The following CHSY3 variants were observed in gnomAD, a reference collection of about 807,000 sequenced individuals.
CHSY3 encodes the protein N-acetylgalactosaminyl-proteoglycan 3-beta-glucuronosyltransferase 3.
Under a neutral mutation model 67.2 loss-of-function variants are expected in CHSY3, and 35 were observed. That is an observed-to-expected ratio of 0.52 (90% CI 0.40 to 0.69). The LOEUF (loss-of-function observed/expected upper bound fraction) is 0.69, where lower values mean the gene tolerates loss of function less well. CHSY3 is among the 30% of genes least tolerant of loss of function. The pLI is 0.00. For missense variants in CHSY3, 1,069 were observed against 1,138.5 expected (o/e 0.94, Z 0.88); for synonymous variants, 474 against 434.7 (o/e 1.09, Z -1.12).
rs927729961 is a variant in CHSY3 at position 130,020,594 on chromosome 5, G to T, written c.1086+112234G>T. ...TGCCCCTTCAAAGCAGTCTTTCTCC[G>T]TTCAGGACCATGTGTATCTGAATCA... On this transcript the variant is annotated intron_variant, in intron 2 of 2. Transcript: ENST00000305031. Among the ~76,000 whole-genome samples the T allele has an allele frequency of 4.9e-5, 7 of 143,074 alleles. No individual in the cohort carries two copies. In the East Asian group the frequency reaches 1.5e-3, roughly 30 times the overall value. 93.9% of individuals were successfully genotyped at this position (143,074 alleles called of 152,430 possible).
At chr5:129,967,633 T>G (rs1762508138) in intron 2 of CHSY3, among the ~76,000 whole-genome samples, 2 of 151,874 alleles carry the variant, frequency 1.3e-5, no homozygotes, top group South Asian at 4.1e-4. Flanking sequence ...AGTACAGACC[T>G]TTAAGCCTTT....
chr5:129,932,477 G>C (rs890468420), intron 2 of CHSY3, among the ~76,000 whole-genome samples: 2 of 151,980 alleles, frequency 1.3e-5, no homozygotes, highest in African/African-American at 4.8e-5. Context: ...ATCTAGACTT[G>C]TGTTTGGCCC....
At chr5:129,963,444 C>G (rs1421018088) in intron 2 of CHSY3, among the ~76,000 whole-genome samples, 1 of 151,998 alleles carries the variant, frequency 6.6e-6, no homozygotes, top group East Asian at 1.9e-4. Context: ...TGTGCTTCCC[C>G]TCATGGGACT....
intron 2 of CHSY3, among the ~76,000 whole-genome samples, chr5:130,162,745 A>G (rs1014779374): frequency 6.6e-6 from 1 of 152,114 alleles, no homozygotes; most frequent in African/African-American, 2.4e-5. Context: ...GCTCTCTCCA[A>G]CTAGAAGCAT....
intron 2 of CHSY3, among the ~76,000 whole-genome samples, chr5:130,099,038 A>G (rs1205480240): frequency 1.3e-5 from 2 of 152,222 alleles, no homozygotes; most frequent in Non-Finnish European, 2.9e-5. Flanking sequence ...TGCAGATCCC[A>G]AAAGCAGTTG....
chr5:130,043,590 C>T (rs1300799917), intron 2 of CHSY3, among the ~76,000 whole-genome samples: 3 of 152,108 alleles, frequency 2.0e-5, no homozygotes, highest in Non-Finnish European at 2.9e-5. Context: ...GAACATTAGC[C>T]GTCCACAATC....
At chr5:130,071,220 T>C (rs1164115277) in intron 2 of CHSY3, among the ~76,000 whole-genome samples, 5 of 152,054 alleles carry the variant, frequency 3.3e-5, no homozygotes, top group African/African-American at 1.2e-4. Context: ...AACTTTGAAA[T>C]TAGTAAATGC....
intron 2 of CHSY3, among the ~76,000 whole-genome samples, chr5:129,960,763 G>C (rs1181276609): frequency 6.6e-6 from 1 of 151,718 alleles, no homozygotes; most frequent in Non-Finnish European, 1.5e-5. Flanking sequence ...AAGTAAACTA[G>C]TTTTTATTTT....
At chr5:130,112,423 G>A (rs2149704531) in intron 2 of CHSY3, among the ~76,000 whole-genome samples, 1 of 152,108 alleles carries the variant, frequency 6.6e-6, no homozygotes, top group East Asian at 1.9e-4. Context: ...CAGTAAACCT[G>A]GAGTCTGGCC....
At chr5:129,964,584 T>C (rs1033125343) in intron 2 of CHSY3, among the ~76,000 whole-genome samples, 1 of 151,764 alleles carries the variant, frequency 6.6e-6, no homozygotes, top group African/African-American at 2.4e-5. Context: ...TGGAAAACAA[T>C]GCGCAGTCCT....
At chr5:129,908,497 C>A in intron 2 of CHSY3, 137 bp downstream of exon 2, 1 of 1,322,582 alleles carries the variant, frequency 7.6e-7, no homozygotes, top group Non-Finnish European at 1.0e-6. Context: ...TTAAGGGATA[C>A]AAGAGTGGGA....
chr5:130,158,287 G>T (rs1428638737), intron 2 of CHSY3, among the ~76,000 whole-genome samples: 3 of 152,132 alleles, frequency 2.0e-5, no homozygotes, highest in Non-Finnish European at 4.4e-5. Flanking sequence ...AAAGTTGTCT[G>T]GCTGGTGTGG....
At chr5:129,946,963 G>T (rs1418537852) in intron 2 of CHSY3, among the ~76,000 whole-genome samples, 1 of 152,054 alleles carries the variant, frequency 6.6e-6, no homozygotes. Context: ...TGGATCATAT[G>T]GTAGTTGTAT....
chr5:130,141,660 C>A, intron 2 of CHSY3: 1 of 525,954 alleles, frequency 1.9e-6, no homozygotes, highest in Non-Finnish European at 3.8e-6. Context: ...GCTATGCATT[C>A]GATATGAAAG....
chr5:129,960,474 A>G (rs1762298694), intron 2 of CHSY3, among the ~76,000 whole-genome samples: 1 of 152,090 alleles, frequency 6.6e-6, no homozygotes, highest in Non-Finnish European at 1.5e-5. Flanking sequence ...TTAAATTTTT[A>G]TCATTTAAAA....
At chr5:130,081,267 C>T (rs1291066456) in intron 2 of CHSY3, among the ~76,000 whole-genome samples, 2 of 149,050 alleles carry the variant, frequency 1.3e-5, no homozygotes, top group Non-Finnish European at 3.0e-5. Flanking sequence ...AGAACAGCTT[C>T]ATTCTGTGCT....
intron 2 of CHSY3, among the ~76,000 whole-genome samples, chr5:129,946,292 A>G (rs1260328381): frequency 3.3e-5 from 5 of 152,184 alleles, no homozygotes; most frequent in African/African-American, 4.8e-5. Context: ...GGGATCTTGG[A>G]AGTAAGCACA....
intron 2 of CHSY3, chr5:130,141,660 C>T (rs192122701): frequency 5.3e-4 from 277 of 525,956 alleles, no homozygotes; most frequent in African/African-American, 4.9e-3. Flanking sequence ...GCTATGCATT[C>T]GATATGAAAG....
intron 2 of CHSY3, among the ~76,000 whole-genome samples, chr5:130,142,690 T>G (rs954034032): frequency 2.0e-5 from 3 of 152,202 alleles, no homozygotes; most frequent in Non-Finnish European, 4.4e-5. Context: ...AGACAGTTTC[T>G]GTTATTAAAT....
Sources: allele counts gnomAD v4.1 joint callset (sites outside exome capture counted in the v4.1 genomes callset), GRCh38; gene constraint gnomAD v4.1.1; transcripts MANE v1.5; gene names NCBI Gene and HGNC (gene_info 2026-07-23, HGNC 2026-07-21).